ARHGAP10: variants seen among roughly 807,000 people sequenced by gnomAD.
ARHGAP10 encodes the protein rho GTPase-activating protein 10.
Under a neutral mutation model 108.6 loss-of-function variants are expected in ARHGAP10, and 87 were observed. That is an observed-to-expected ratio of 0.80 (90% CI 0.67 to 0.96). The LOEUF is 0.96. Ranked by LOEUF, ARHGAP10 falls within the 40% of genes least tolerant of loss-of-function variation. The pLI, the probability that ARHGAP10 is intolerant of heterozygous loss-of-function variation, is 0.00. For missense variants in ARHGAP10, 939 were observed against 954.5 expected, an observed-to-expected ratio of 0.98 and a Z score of 0.21; for synonymous variants, 347 against 341.1, an observed-to-expected ratio of 1.02 and a Z score of -0.19.
At chr4:147,869,389 T>C (rs1357681367) in intron 7 of ARHGAP10, among the ~76,000 whole-genome samples, 1 of 152,186 alleles carries the variant, frequency 6.6e-6, no homozygotes, top group Non-Finnish European at 1.5e-5. Context: ...CAAAAAACTT[T>C]CAGAGGCATT....
At chr4:147,990,259 C>T (rs758240175) in intron 18 of ARHGAP10, among the ~76,000 whole-genome samples, 2 of 152,188 alleles carry the variant, frequency 1.3e-5, no homozygotes, top group East Asian at 1.9e-4. Context: ...AGTAGGTAAG[C>T]GTTTGCACAA....
At chr4:148,047,148 C>T in intron 20 of ARHGAP10, 97 bp downstream of exon 20, 1 of 1,434,128 alleles carries the variant, frequency 7.0e-7, no homozygotes, top group Non-Finnish European at 9.4e-7. Flanking sequence ...GTGCTGAAGC[C>T]ATTAGATCTA....
chr4:148,001,472 G>A (rs1475952924), intron 18 of ARHGAP10, among the ~76,000 whole-genome samples: 1 of 152,126 alleles, frequency 6.6e-6, no homozygotes, highest in Non-Finnish European at 1.5e-5. Context: ...TAGCTTGATG[G>A]GGATGGCATT....
At chr4:147,888,835 G>T (rs1735677613) in intron 10 of ARHGAP10, among the ~76,000 whole-genome samples, 1 of 152,214 alleles carries the variant, frequency 6.6e-6, no homozygotes. Context: ...TGTACTTTGA[G>T]ATCTGTGATT....
At chr4:147,794,526 A>G (rs1405082883) in intron 1 of ARHGAP10, among the ~76,000 whole-genome samples, 3 of 152,202 alleles carry the variant, frequency 2.0e-5, no homozygotes, top group African/African-American at 7.2e-5. Context: ...AACAGAACAT[A>G]TACACACTCG....
intron 6 of ARHGAP10, 190 bp from the exon 7 acceptor site, chr4:147,866,522 C>T: frequency 4.0e-6 from 2 of 505,784 alleles, no homozygotes; most frequent in East Asian, 6.5e-5. Flanking sequence ...AAAAAAGCAT[C>T]ATTTTCTATA....
chr4:148,050,365 C>CTT (rs11309245), intron 20 of ARHGAP10, among the ~76,000 whole-genome samples: 23 of 59,296 alleles, frequency 3.9e-4, no homozygotes, highest in Admixed American at 9.7e-4. Context: ...TCATCATCAT[C>CTT]TTTTTTTTTT....
intron 1 of ARHGAP10, among the ~76,000 whole-genome samples, chr4:147,781,237 A>C (rs2126729860): frequency 6.6e-6 from 1 of 152,196 alleles, no homozygotes; most frequent in Non-Finnish European, 1.5e-5. Context: ...CCAGCTACTC[A>C]AGAGGCTGAG....
At chr4:147,902,775 T>C (rs546121399) in intron 10 of ARHGAP10, among the ~76,000 whole-genome samples, 1 of 151,850 alleles carries the variant, frequency 6.6e-6, no homozygotes, top group Non-Finnish European at 1.5e-5. Flanking sequence ...GGAGGTTTAA[T>C]TGACTTAGTT....
rs182805830 is a variant in ARHGAP10, at chr4:147,999,027, C to G, written c.1717-24236C>G. On this transcript the variant is annotated intron_variant, in intron 18 of 22. Coordinates refer to ENST00000336498, the MANE Select transcript of ARHGAP10 (RefSeq NM_024605.4). ...AGATATGATTGTGTACATAGAGAGC[C>G]CTGGAAAACAAATGGAAGAACTGTT... is the stretch of plus-strand genomic sequence containing the variant. 3.9e-3 allele frequency among the ~76,000 whole-genome samples: 594 copies of G among 152,114 alleles called. 3 individuals are homozygous for G. Among genetic ancestry groups the G allele is most frequent in the African/African-American group, 0.014 (566 of 41,480 alleles).
intron 20 of ARHGAP10, among the ~76,000 whole-genome samples, chr4:148,048,004 G>T (rs1415243704): frequency 6.6e-6 from 1 of 152,028 alleles, no homozygotes; most frequent in Non-Finnish European, 1.5e-5. Flanking sequence ...TATAGTTTTA[G>T]TAGAGACGGG....
chr4:147,974,009 G>A (rs1487902598), intron 18 of ARHGAP10, among the ~76,000 whole-genome samples: 1 of 152,168 alleles, frequency 6.6e-6, no homozygotes, highest in African/African-American at 2.4e-5. Flanking sequence ...TGGGAGTGCA[G>A]ATATCTCTTT....
intron 7 of ARHGAP10, among the ~76,000 whole-genome samples, chr4:147,868,193 T>C (rs1486428960): frequency 1.3e-5 from 2 of 151,852 alleles, no homozygotes; most frequent in Non-Finnish European, 2.9e-5. Context: ...ACCCCAAAAT[T>C]GTCCCTGCAG....
At chr4:147,790,318 G>A (rs1305589094) in intron 1 of ARHGAP10, among the ~76,000 whole-genome samples, 3 of 152,110 alleles carry the variant, frequency 2.0e-5, no homozygotes, top group Non-Finnish European at 4.4e-5. Context: ...ACTCCCAGAG[G>A]TGCCACCTCA....
intron 1 of ARHGAP10, among the ~76,000 whole-genome samples, chr4:147,779,624 T>C (rs1274404089): frequency 1.3e-5 from 2 of 151,970 alleles, no homozygotes; most frequent in Non-Finnish European, 2.9e-5. Context: ...TTCCTTCAGT[T>C]TGGGAGTCTG....
intron 3 of ARHGAP10, among the ~76,000 whole-genome samples, chr4:147,830,189 C>G (rs1159626395): frequency 1.3e-5 from 2 of 152,110 alleles, no homozygotes; most frequent in African/African-American, 4.8e-5. Flanking sequence ...CAGACTTTAC[C>G]CTTGTGAAAA....
intron 4 of ARHGAP10, among the ~76,000 whole-genome samples, chr4:147,854,469 G>A (rs1734010048): frequency 1.3e-5 from 2 of 152,040 alleles, no homozygotes; most frequent in South Asian, 4.2e-4. Context: ...ATTACTGCCT[G>A]GCCCAGACTC....
chr4:147,802,505 A>C (rs1262064977), intron 1 of ARHGAP10, among the ~76,000 whole-genome samples: 1 of 152,246 alleles, frequency 6.6e-6, no homozygotes, highest in Admixed American at 6.5e-5. Flanking sequence ...AGCATTGGGC[A>C]GGGCCCCCTT....
chr4:147,887,260 G>A (rs1208554911), intron 10 of ARHGAP10, among the ~76,000 whole-genome samples: 2 of 152,012 alleles, frequency 1.3e-5, no homozygotes, highest in Non-Finnish European at 2.9e-5. Context: ...TTTCCTCCCT[G>A]CCTGTGGGAG....
Sources: gnomAD v4.1 joint callset for allele counts (sites outside exome capture counted in the v4.1 genomes callset) on GRCh38, gnomAD v4.1.1 for gene constraint, MANE v1.5 for transcripts, NCBI Gene and HGNC (gene_info 2026-07-23, HGNC 2026-07-21) for gene names.